MACROD2: variants seen among roughly 807,000 people sequenced by gnomAD.
MACROD2 encodes the protein ADP-ribose glycohydrolase MACROD2.
MACROD2 carries 36 observed loss-of-function variants against 70.4 expected under a neutral mutation model. The ratio of observed to expected loss-of-function variants is 0.51; its 90% CI spans 0.39 to 0.68. The LOEUF (loss-of-function observed/expected upper bound fraction) is 0.68. Among genes scored for constraint, MACROD2 ranks in the 30% least tolerant of loss-of-function variants. The probability of loss-of-function intolerance (pLI) is 0.00; values close to 1 mark genes in which losing one functional copy is unlikely to be tolerated. For synonymous variants in MACROD2, 172 were observed against 178.8 expected (o/e 0.96, Z 0.30); for missense variants, 496 against 538.4 (o/e 0.92, Z 0.78).
At chr20:15,440,911 C>T (rs2046487041) in intron 7 of MACROD2, among the ~76,000 whole-genome samples, 1 of 152,116 alleles carries the variant, frequency 6.6e-6, no homozygotes, top group African/African-American at 2.4e-5. Flanking sequence ...CTCTGGCAAC[C>T]TAAGTTTTTT....
intron 3 of MACROD2, chr20:14,127,581 G>A: frequency 2.1e-6 from 1 of 472,372 alleles, no homozygotes; most frequent in South Asian, 2.8e-5. Flanking sequence ...ACTTTGAGTA[G>A]GAAACTGAAG....
At chr20:15,448,244 G>T (rs1217622864) in intron 7 of MACROD2, among the ~76,000 whole-genome samples, 1 of 152,096 alleles carries the variant, frequency 6.6e-6, no homozygotes, top group Non-Finnish European at 1.5e-5. Flanking sequence ...CCTTGTGCCT[G>T]ACTCTCTTTC....
At chr20:15,505,171 T>C (rs775598774) in intron 8 of MACROD2, among the ~76,000 whole-genome samples, 14 of 152,144 alleles carry the variant, frequency 9.2e-5, no homozygotes, top group Admixed American at 2.0e-4. Context: ...AATGTCCTGA[T>C]ATTGTGAGAC....
intron 7 of MACROD2, among the ~76,000 whole-genome samples, chr20:15,466,047 G>T (rs1010471506): frequency 6.6e-6 from 1 of 151,806 alleles, no homozygotes; most frequent in East Asian, 1.9e-4. Flanking sequence ...GTACTGTAAA[G>T]GAAATGAAAC....
intron 5 of MACROD2, among the ~76,000 whole-genome samples, chr20:15,152,495 A>AAGGGATCGGGGCACAGAGATCAGAGGTTG (rs1351354651): frequency 6.9e-6 from 1 of 144,494 alleles, no homozygotes; most frequent in Non-Finnish European, 1.5e-5. Flanking sequence ...ATAAGAGGTT[A>AAGGGATCGGGGCACAGAGATCAGAGGTTG]GGGCATGGAA....
chr20:16,031,377 T>C (rs991415550), intron 15 of MACROD2, among the ~76,000 whole-genome samples: 2 of 152,192 alleles, frequency 1.3e-5, no homozygotes, highest in Non-Finnish European at 2.9e-5. Flanking sequence ...TATCATGCTC[T>C]AAGTGATCTG....
At chr20:15,764,400 C>A (rs935399400) in intron 8 of MACROD2, among the ~76,000 whole-genome samples, 1 of 152,154 alleles carries the variant, frequency 6.6e-6, no homozygotes, top group Non-Finnish European at 1.5e-5. Context: ...ACAGGGATGT[C>A]TAATAGGCAT....
At chr20:14,061,273 CTTGAG>C (rs1293445804) in intron 2 of MACROD2, among the ~76,000 whole-genome samples, 4 of 152,132 alleles carry the variant, frequency 2.6e-5, no homozygotes, top group East Asian at 3.9e-4. Context: ...TGATTAGATA[CTTGAG>C]TTGAATGAAT....
chr20:14,648,135 A>G (rs916001099), intron 4 of MACROD2, among the ~76,000 whole-genome samples: 1 of 152,136 alleles, frequency 6.6e-6, no homozygotes, highest in African/African-American at 2.4e-5. Context: ...TTAGAAATGG[A>G]CACAGTGGTA....
At chr20:15,974,959 G>A (rs2066284050) in intron 13 of MACROD2, among the ~76,000 whole-genome samples, 1 of 151,782 alleles carries the variant, frequency 6.6e-6, no homozygotes, top group Admixed American at 6.6e-5. Flanking sequence ...AGGTTATAGT[G>A]AAATTAAAAA....
chr20:15,279,565 A>G (rs2077424890), intron 6 of MACROD2, among the ~76,000 whole-genome samples: 1 of 152,250 alleles, frequency 6.6e-6, no homozygotes, highest in Non-Finnish European at 1.5e-5. Flanking sequence ...GAAGTTGGTG[A>G]GAAATTGATA....
intron 8 of MACROD2, among the ~76,000 whole-genome samples, chr20:15,522,607 A>G (rs1320156499): frequency 6.6e-6 from 1 of 152,330 alleles, no homozygotes; most frequent in East Asian, 1.9e-4. Flanking sequence ...GACAAATTAT[A>G]AGCTTTGTGA....
intron 5 of MACROD2, among the ~76,000 whole-genome samples, chr20:14,854,102 C>A (rs2073227982): frequency 6.6e-6 from 1 of 152,018 alleles, no homozygotes; most frequent in South Asian, 2.1e-4. Context: ...ACACTTTCTA[C>A]CTCATCATTA....
intron 8 of MACROD2, among the ~76,000 whole-genome samples, chr20:15,860,832 A>G (rs1211079029): frequency 6.6e-6 from 1 of 152,142 alleles, no homozygotes; most frequent in Non-Finnish European, 1.5e-5. Context: ...AAATTTTTGG[A>G]ATGTTTTTGA....
intron 6 of MACROD2, among the ~76,000 whole-genome samples, chr20:15,331,398 T>C (rs2077990722): frequency 6.6e-6 from 1 of 151,746 alleles, no homozygotes; most frequent in Non-Finnish European, 1.5e-5. Context: ...GTTGATGTGA[T>C]TCTTTCATAA....
chr20:14,010,736 A>G (rs2052890684), intron 2 of MACROD2, among the ~76,000 whole-genome samples: 1 of 151,790 alleles, frequency 6.6e-6, no homozygotes, highest in South Asian at 2.1e-4. Context: ...TCCTCTGGTG[A>G]CCTGGTGTTT....
At chr20:15,318,574 G>C (rs1208937221) in intron 6 of MACROD2, among the ~76,000 whole-genome samples, 1 of 151,904 alleles carries the variant, frequency 6.6e-6, no homozygotes, top group Non-Finnish European at 1.5e-5. Flanking sequence ...AAATCCTCAA[G>C]AAATACTAGC....
intron 5 of MACROD2, among the ~76,000 whole-genome samples, chr20:14,847,277 T>C (rs954200096): frequency 3.9e-5 from 6 of 152,158 alleles, no homozygotes; most frequent in Admixed American, 6.5e-5. Flanking sequence ...CTATGCAAAT[T>C]GGACTGATGT....
chr20:15,874,269 A>T (rs1308044541), intron 9 of MACROD2, among the ~76,000 whole-genome samples: 2 of 151,958 alleles, frequency 1.3e-5, no homozygotes, highest in African/African-American at 4.8e-5. Context: ...GCTGCATAGT[A>T]TTCCATGGTG....
Sources: allele counts gnomAD v4.1 joint callset (sites outside exome capture counted in the v4.1 genomes callset), GRCh38; gene constraint gnomAD v4.1.1; transcripts MANE v1.5; gene names NCBI Gene and HGNC (gene_info 2026-07-23, HGNC 2026-07-21).